The following ZC3H12B variants were observed in gnomAD, a reference collection of about 807,000 sequenced individuals.
ZC3H12B encodes zinc finger CCCH-type containing 12B, also known as probable ribonuclease ZC3H12B.
Under a neutral mutation model 43.9 loss-of-function variants are expected in ZC3H12B, and 7 were observed. That is an observed-to-expected ratio of 0.16 (90% CI 0.09 to 0.30). The LOEUF (loss-of-function observed/expected upper bound fraction) is 0.30. ZC3H12B is among the 10% of genes least tolerant of loss of function. The pLI is 1.00. For synonymous variants in ZC3H12B, 222 were observed against 241.7 expected (o/e 0.92, Z 0.76); for missense variants, 475 against 670.2 (o/e 0.71, Z 3.22).
chrX:65,335,970 T>A, the ZC3H12B span, among the ~76,000 whole-genome samples: 1 of 111,734 alleles, frequency 8.9e-6, no homozygotes, highest in East Asian at 2.8e-4. Flanking sequence ...TTCAGGGAAG[T>A]GTAGCATAGT....
the ZC3H12B span, among the ~76,000 whole-genome samples, chrX:65,074,410 T>C: frequency 5.4e-5 from 6 of 111,720 alleles, no homozygotes; most frequent in African/African-American, 1.6e-4. Flanking sequence ...CTCTTTGTTT[T>C]TGACATTTGA....
chrX:65,152,532 G>T, the ZC3H12B span, among the ~76,000 whole-genome samples: 3 of 111,140 alleles, frequency 2.7e-5, no homozygotes, highest in Non-Finnish European at 3.8e-5. Flanking sequence ...TACAAGGGAC[G>T]TGAAGGACCT....
At chrX:65,429,416 G>C (rs1440144872) in intron 3 of ZC3H12B, among the ~76,000 whole-genome samples, 2 of 112,854 alleles carry the variant, frequency 1.8e-5, no homozygotes, top group Non-Finnish European at 3.7e-5. Context: ...ATTCCAGAGA[G>C]AGATCAGAGC....
At chrX:65,059,225 C>G in the ZC3H12B span, among the ~76,000 whole-genome samples, 25 of 81,500 alleles carry the variant, frequency 3.1e-4, no homozygotes, top group South Asian at 0.017. Context: ...AACCACCCCC[C>G]CCCCGCCCCA....
the ZC3H12B span, among the ~76,000 whole-genome samples, chrX:65,351,249 T>C: frequency 9.0e-6 from 1 of 111,609 alleles, no homozygotes; most frequent in South Asian, 3.7e-4. Context: ...TAAAAGGTGT[T>C]GGGAAAACTG....
chrX:65,334,585 T>A, the ZC3H12B span, among the ~76,000 whole-genome samples: 1 of 112,099 alleles, frequency 8.9e-6, no homozygotes, highest in Admixed American at 9.5e-5. Context: ...TTGGAGCACC[T>A]TTATATATAA....
At chrX:65,212,650 CATATATT>C in the ZC3H12B span, among the ~76,000 whole-genome samples, 15 of 77,510 alleles carry the variant, frequency 1.9e-4, no homozygotes, top group East Asian at 4.0e-4. Context: ...GATTATATAT[CATATATT>C]ATATATAAAT....
chrX:65,277,131 T>TATA, the ZC3H12B span, among the ~76,000 whole-genome samples: 1 of 111,963 alleles, frequency 8.9e-6, no homozygotes, highest in Non-Finnish European at 1.9e-5. Flanking sequence ...AAATGAGTTA[T>TATA]ATAATAATAA....
the ZC3H12B span, among the ~76,000 whole-genome samples, chrX:65,295,303 A>T: frequency 1.8e-5 from 2 of 111,996 alleles, no homozygotes; most frequent in East Asian, 5.6e-4. Flanking sequence ...CTCCTGAGTG[A>T]TTATTGGGTC....
At chrX:65,071,208 CCTTT>C in the ZC3H12B span, among the ~76,000 whole-genome samples, 3 of 109,112 alleles carry the variant, frequency 2.7e-5, no homozygotes, top group African/African-American at 1.0e-4. Flanking sequence ...TTATATAATG[CCTTT>C]CTTTGTTCTT....
At chrX:65,197,798 C>T in the ZC3H12B span, among the ~76,000 whole-genome samples, 10 of 112,293 alleles carry the variant, frequency 8.9e-5, no homozygotes, top group Non-Finnish European at 1.9e-4. Flanking sequence ...GGTTTACTAG[C>T]ACTCAGAGAG....
chrX:65,449,646 T>A (rs1319447757), intron 3 of ZC3H12B, among the ~76,000 whole-genome samples: 2 of 110,536 alleles, frequency 1.8e-5, no homozygotes, highest in Non-Finnish European at 3.8e-5. Flanking sequence ...AATTGATATG[T>A]CTACAACACG....
chrX:65,241,092 T>A, the ZC3H12B span, among the ~76,000 whole-genome samples: 1 of 111,969 alleles, frequency 8.9e-6, no homozygotes, highest in Admixed American at 9.4e-5. Context: ...GTGTGCTGCA[T>A]TGGGTGTAAC....
intron 3 of ZC3H12B, among the ~76,000 whole-genome samples, chrX:65,454,110 T>G (rs1329136713): frequency 8.9e-6 from 1 of 112,430 alleles, no homozygotes; most frequent in Non-Finnish European, 1.9e-5. Flanking sequence ...AGGTACCAGG[T>G]GCATCTCACT....
the ZC3H12B span, among the ~76,000 whole-genome samples, chrX:65,340,223 GAAC>G: frequency 2.7e-5 from 3 of 112,096 alleles, no homozygotes; most frequent in African/African-American, 6.5e-5. Context: ...ACCACCACCA[GAAC>G]AACCACTTAC....
chrX:65,169,923 G>A, the ZC3H12B span, among the ~76,000 whole-genome samples: 2 of 111,585 alleles, frequency 1.8e-5, no homozygotes, highest in African/African-American at 6.5e-5. Flanking sequence ...GAGCCTATGT[G>A]TGTCTCTGCA....
chrX:65,448,955 A>AAAAGAAAGAAAGAAAGAAAGAAAAAG (rs765951275), intron 3 of ZC3H12B, among the ~76,000 whole-genome samples: 5,787 of 58,895 alleles, frequency 0.098, 386 homozygotes, highest in Non-Finnish European at 0.12. Flanking sequence ...GAAAGAAAGA[A>AAAAGAAAGAAAGAAAGAAAGAAAAAG]AAAGAAAGAA....
the ZC3H12B span, among the ~76,000 whole-genome samples, chrX:65,130,251 G>A: frequency 5.4e-5 from 6 of 111,216 alleles, no homozygotes; most frequent in African/African-American, 2.0e-4. Flanking sequence ...AATACCAAGA[G>A]CCTGAGAAAC....
intron 2 of ZC3H12B, among the ~76,000 whole-genome samples, chrX:65,379,598 C>T (rs1222213322): frequency 8.9e-6 from 1 of 112,582 alleles, no homozygotes; most frequent in Admixed American, 9.4e-5. Context: ...CGGAACAAAG[C>T]TGGACAGAGA....
Sources: gnomAD v4.1 joint callset for allele counts (sites outside exome capture counted in the v4.1 genomes callset) on GRCh38, gnomAD v4.1.1 for gene constraint, MANE v1.5 for transcripts, NCBI Gene and HGNC (gene_info 2026-07-23, HGNC 2026-07-21) for gene names.